Variants in CPLANE1 observed in about 807,000 individuals in gnomAD.
CPLANE1 encodes ciliogenesis and planar polarity effector 1.
Under a neutral mutation model 362.5 loss-of-function variants are expected in CPLANE1, and 263 were observed. The ratio of observed to expected loss-of-function variants is 0.73; its 90% confidence interval spans 0.66 to 0.80. The LOEUF (loss-of-function observed/expected upper bound fraction) is 0.80. Among genes scored for constraint, CPLANE1 ranks in the 30% least tolerant of loss-of-function variants. The pLI is 0.00. For synonymous variants in CPLANE1, 1,212 were observed against 1,302.6 expected (o/e 0.93, Z 1.50); for missense variants, 3,461 against 3,793.4 (o/e 0.91, Z 2.30).
intron 30 of CPLANE1, among the ~76,000 whole-genome samples, chr5:37,176,256 G>C (rs1167275520): frequency 6.6e-6 from 1 of 151,996 alleles, no homozygotes; most frequent in East Asian, 1.9e-4. Flanking sequence ...CAAAATGAGG[G>C]GACATGAGGT....
intron 9 of CPLANE1, among the ~76,000 whole-genome samples, chr5:37,230,630 T>G (rs572630303): frequency 6.6e-6 from 1 of 152,142 alleles, no homozygotes; most frequent in Admixed American, 6.5e-5. Context: ...TAATTTTTCG[T>G]GCTATTAAAT....
rs1784396461 is a variant in CPLANE1, at chr5:37,187,506, T to C, written c.3988A>G (p.Arg1330Gly). 1 of 1,613,748 alleles carries C rather than the reference T, an allele frequency of 6.2e-7. No individual in the cohort carries two copies. The highest frequency in any genetic ancestry group is 1.1e-5 in the South Asian group (1 of 91,074). The change falls in exon 23 of 53, where the codon AGA (arginine) becomes GGA (glycine). Residue 1330 changes from arginine to glycine, a missense_variant. By Grantham distance (125) the Arg-to-Gly change is moderately radical. This residue lies in a region of CPLANE1 where 3,380 missense variants were observed against 3,666.1 expected (regional missense o/e 0.92). Transcript: ENST00000651892. ...HCLSAVEWAY[R>G]MLPFSRFFNM... ...AAAAACCGAGAGAAAGGCAGCATTC[T>C]ATAAGCCCATTCCACTGCACTAAGA...
At chr5:37,211,881 G>T in intron 16 of CPLANE1, 1 of 787,792 alleles carries the variant, frequency 1.3e-6, no homozygotes, top group Non-Finnish European at 2.3e-6. Context: ...AAGGCAGTTT[G>T]AAATGGATGG....
chr5:37,193,108 T>C (rs1006902370), intron 21 of CPLANE1, among the ~76,000 whole-genome samples: 1 of 149,912 alleles, frequency 6.7e-6, no homozygotes, highest in Admixed American at 6.7e-5. Flanking sequence ...GAGGTTGTAG[T>C]GAGCTGAGAT....
intron 41 of CPLANE1, 67 bp from the exon 42 acceptor site, chr5:37,154,060 A>G: frequency 7.3e-7 from 1 of 1,379,016 alleles, no homozygotes; most frequent in Admixed American, 2.3e-5. Context: ...TGATGATCTC[A>G]TTTTTTGATG....
Position 37,227,642 on chromosome 5 carries a change from C to T in CPLANE1, c.1297G>A (p.Val433Ile). 6.4e-7 allele frequency: 1 copy of T among 1,551,294 alleles called. No individual in the cohort carries two copies. The highest frequency in any genetic ancestry group is 2.4e-5 in the East Asian group (1 of 40,864). Residue 433 changes from valine (V) to isoleucine (I), a missense_variant, in exon 10 of 53, where the codon GTA becomes ATA. Val to Ile is a conservative substitution (Grantham distance 29). Transcript: ENST00000651892. ...LRFLDSLSPS[V>I]HMRSLLLDST... ...TCAAGTAGAAGTGATCTCATGTGTACTGATGGAGATAGGCTATCAAGAAAT... is the reference window on the plus strand; with the variant it reads ...TCAAGTAGAAGTGATCTCATGTGTATTGATGGAGATAGGCTATCAAGAAAT...
rs1472405104 is a variant in CPLANE1, at chr5:37,209,020, C to T, written c.2921-2595G>A. 1.3e-5 allele frequency among the ~76,000 whole-genome samples: 2 copies of T among 152,122 alleles called. No homozygotes were observed. Among genetic ancestry groups the T allele is most frequent in the Admixed American group, 6.5e-5 (1 of 15,278 alleles). On this transcript the variant is annotated intron_variant, in intron 16 of 52. Coordinates refer to ENST00000651892, the MANE Select transcript of CPLANE1 (RefSeq NM_001384732.1). This position sits in a 1 kb window ranked among gnomAD's most constrained non-coding sequence, Gnocchi z 4.6. ...CGGGAAGGCTGTACTGAGCCGGTCT[C>T]GGGAGACGAAGGATGGGATGTGAGG...
Position 37,184,914 on chromosome 5 carries a change from G to A in CPLANE1, c.4355C>T (p.Ser1452Phe), listed in dbSNP as rs138792462. 8.1e-6 allele frequency: 13 copies of A among 1,613,872 alleles called. No homozygotes were observed. Among genetic ancestry groups the A allele is most frequent in the Non-Finnish European group, 7.6e-6 (9 of 1,179,972 alleles). Residue 1452 changes from serine to phenylalanine, a missense_variant, in exon 25 of 53, where the codon TCC becomes TTC. Ser to Phe is a radical substitution (Grantham distance 155, BLOSUM62 -2). Coordinates refer to ENST00000651892, the MANE Select transcript of CPLANE1 (RefSeq NM_001384732.1). ...ACTTCTGCTCAAACTAGTCCCCAGG[G>A]AATATCTGTCAACACCTGGAGCCTC... is the stretch of plus-strand genomic sequence containing the variant. ...PDEAPGVDRY[S>F]LGTSLSRSTL...
At chr5:37,237,308 G>T (rs979750649) in intron 8 of CPLANE1, among the ~76,000 whole-genome samples, 1 of 152,166 alleles carries the variant, frequency 6.6e-6, no homozygotes, top group African/African-American at 2.4e-5. Flanking sequence ...AACATGGATG[G>T]AACTGGAGGT....
rs1291473289 is a variant in CPLANE1 at position 37,224,602 on chromosome 5, A to C, written c.2430T>G (p.Cys810Trp). 6 of 1,551,352 alleles carry C rather than the reference A, an allele frequency of 3.9e-6. No individual in the cohort carries two copies. Among genetic ancestry groups the C allele is most frequent in the Non-Finnish European group, 5.2e-6 (6 of 1,146,834 alleles). ...TACTCTGTAGGTTAGCCTGCAAATG[A>C]CATAACAGGGACTTGACAGTAGATG... The part of the protein sequence containing the change: ...HEASTVKSLL[C>W]HLQANLQSTG... Residue 810 changes from cysteine (C) to tryptophan (W), a missense_variant, in exon 13 of 53, where the codon TGT (cysteine) becomes TGG (tryptophan). Transcript: ENST00000651892.
intron 19 of CPLANE1, 39 bp from the exon 20 acceptor site, chr5:37,198,905 T>C (rs1478012498): frequency 6.3e-7 from 1 of 1,583,576 alleles, no homozygotes; most frequent in East Asian, 2.3e-5. Context: ...TGGCTAGTAA[T>C]GAGAAAATTT....
Position 37,238,951 on chromosome 5 carries a change from C to T in CPLANE1, c.844G>A (p.Val282Ile), listed in dbSNP as rs1009393649. 3 of 1,472,964 alleles carry T rather than the reference C, an allele frequency of 2.0e-6. No individual in the cohort carries two copies. Among genetic ancestry groups the T allele is most frequent in the Non-Finnish European group, 2.7e-6 (3 of 1,106,730 alleles). The allele number at this position is 1,472,964 out of a possible 1,614,324, so 91.2% of individuals were successfully genotyped here. Residue 282 changes from valine (V) to isoleucine (I), a missense_variant, in exon 8 of 53, where the codon GTA (valine) becomes ATA (isoleucine). By Grantham distance (29) the Val-to-Ile change is conservative. Transcript: ENST00000651892. ...LNQKDPKATQ[V>I]LFINTLNFVT... ...AAATTCAGTGTGTTTATAAATAATA[C>T]CTGAGTTGCCTAGAAAGGAAAAAAA...
chr5:37,080,670 A>G, the CPLANE1 span, among the ~76,000 whole-genome samples: 2 of 152,188 alleles, frequency 1.3e-5, no homozygotes, highest in African/African-American at 4.8e-5. Context: ...GAACAGAGAT[A>G]CTAGAAGCTA....
chr5:37,091,403 C>T, the CPLANE1 span, among the ~76,000 whole-genome samples: 2 of 152,142 alleles, frequency 1.3e-5, no homozygotes, highest in African/African-American at 4.8e-5. Context: ...CTTATGCCAG[C>T]TCACAATTTC....
the CPLANE1 span, among the ~76,000 whole-genome samples, chr5:37,088,306 A>C: frequency 6.6e-6 from 1 of 152,232 alleles, no homozygotes; most frequent in African/African-American, 2.4e-5. Context: ...ATCAAAGGAA[A>C]GGCAGCCACA....
At position 37,169,019 on chromosome 5, in the gene CPLANE1, A is replaced by G. The variant is rs765411069; in HGVS notation, c.7005T>C (p.Phe2335=). Residue 2335 remains phenylalanine (F), a synonymous_variant, in exon 34 of 53, where the codon TTT becomes TTC. Transcript: ENST00000651892. ...CATCAAATAGTTTTTCTGGTTTTAT[A>G]AACACTGAAGAGTCCTGTTGAGGTG... is the stretch of plus-strand genomic sequence containing the variant. ...NLTPQQDSSV[F]IKPEKLFDVK... is the part of the protein sequence containing the mutation. 7.4e-6 allele frequency: 12 copies of G among 1,614,090 alleles called. 1 individual carries two copies. Among genetic ancestry groups the G allele is most frequent in the Middle Eastern group, 1.6e-4 (1 of 6,062 alleles).
At chr5:37,207,520 C>T (rs1050054766) in intron 16 of CPLANE1, among the ~76,000 whole-genome samples, 2 of 152,064 alleles carry the variant, frequency 1.3e-5, no homozygotes, top group Non-Finnish European at 2.9e-5. Flanking sequence ...AAAAAGTTCA[C>T]GACCTTTTAA....
chr5:37,184,426 G>A (rs1171153980), intron 25 of CPLANE1, among the ~76,000 whole-genome samples: 10 of 151,652 alleles, frequency 6.6e-5, no homozygotes, highest in Admixed American at 1.3e-4. Context: ...GAAATTTAAG[G>A]AAAAATTTCC....
At chr5:37,140,999 C>T (rs1000133904) in intron 44 of CPLANE1, 19 of 985,270 alleles carry the variant, frequency 1.9e-5, no homozygotes, top group Non-Finnish European at 2.2e-5. Flanking sequence ...TATACCTTTG[C>T]CTTAGACTCT....
Sources: allele counts gnomAD v4.1 joint callset (sites outside exome capture counted in the v4.1 genomes callset), GRCh38; gene constraint gnomAD v4.1.1; regional missense constraint gnomAD v4.1.1; non-coding constraint Gnocchi (gnomAD v3.1); transcripts MANE v1.5; gene names NCBI Gene and HGNC (gene_info 2026-07-23, HGNC 2026-07-21).